UVSSA: variants seen among roughly 807,000 people sequenced by gnomAD.
The protein encoded by UVSSA is UV-stimulated scaffold protein A.
A neutral mutation model predicts 73.9 loss-of-function variants in UVSSA; 72 were observed. That is an observed-to-expected ratio of 0.97 (90% confidence interval 0.81 to 1.19). The LOEUF (loss-of-function observed/expected upper bound fraction) is 1.19, where lower values mean the gene tolerates loss of function less well. Among genes scored for constraint, UVSSA ranks in the 50% most tolerant of loss-of-function variants. UVSSA has a pLI of 0.00. For synonymous variants in UVSSA, 454 were observed against 391.3 expected (o/e 1.16, Z -1.89); for missense variants, 1,150 against 965.0 (o/e 1.19, Z -2.54).
At chr4:1,364,343 G>C in intron 7 of UVSSA, among the ~76,000 whole-genome samples, 1 of 149,424 alleles carries the variant, frequency 6.7e-6, no homozygotes. Context: ...TCCCCGCACG[G>C]TGCTGGTGCG....
chr4:1,353,954 G>T (rs1560431475), intron 5 of UVSSA, among the ~76,000 whole-genome samples: 1 of 152,208 alleles, frequency 6.6e-6, no homozygotes, highest in Non-Finnish European at 1.5e-5. Flanking sequence ...CCGCCCCCCA[G>T]CCCCAGCTTC....
Position 1,349,859 on chromosome 4 carries a change from G to A in UVSSA, c.429+5G>A. On this transcript the variant is annotated splice_donor_5th_base_variant and intron_variant, in intron 3 of 13. Coordinates refer to ENST00000389851, the MANE Select transcript of UVSSA (RefSeq NM_020894.4). ...TTCTTAAGACACAACAAAAAGGTAGGTGGGCCTGGCCCATTTTTTCAGAGA... is the reference window on the plus strand; with the variant it reads ...TTCTTAAGACACAACAAAAAGGTAGATGGGCCTGGCCCATTTTTTCAGAGA... 1 of 1,531,240 alleles carries A rather than the reference G, an allele frequency of 6.5e-7. No individual in the cohort carries two copies. The highest frequency in any genetic ancestry group is 8.8e-7 in the Non-Finnish European group (1 of 1,140,390). 94.9% of individuals were successfully genotyped at this position (1,531,240 alleles called of 1,614,324 possible).
chr4:1,348,220 A>G, intron 2 of UVSSA, 31 bp downstream of exon 2: 1 of 1,542,944 alleles, frequency 6.5e-7, no homozygotes, highest in Non-Finnish European at 8.9e-7. Flanking sequence ...ACAGTAACTG[A>G]CTGGCCCACT....
intron 5 of UVSSA, among the ~76,000 whole-genome samples, chr4:1,354,095 C>A (rs1393756175): frequency 6.6e-6 from 1 of 152,214 alleles, no homozygotes. Flanking sequence ...TGTCCCTTCA[C>A]CAGGGCCAGG....
intron 7 of UVSSA, among the ~76,000 whole-genome samples, chr4:1,355,552 CCTT>C (rs1408203317): frequency 2.6e-5 from 4 of 152,302 alleles, no homozygotes; most frequent in African/African-American, 9.6e-5. Context: ...CCCCGTGACT[CCTT>C]CTAGGGAGTC....
In UVSSA at chr4:1,375,456, G is replaced by T; in HGVS notation, c.1381G>T (p.Ala461Ser). ...GGAGGTGTCGGACCCCACCTCTGCG[G>T]CTGCTCAGCTGCGGCAGCTCCGGGA... ...DEEVSDPTSA[A>S]AQLRQLRDHL... Residue 461 changes from alanine to serine, a missense_variant, in exon 9 of 14, where the codon GCT (alanine) becomes TCT (serine). Physicochemically the swap from Ala to Ser is moderately conservative, Grantham distance 99. Coordinates refer to ENST00000389851, the MANE Select transcript of UVSSA (RefSeq NM_020894.4). The T allele has an allele frequency of 6.2e-7, 1 of 1,612,968 alleles. No individual in the cohort carries two copies. The highest frequency in any genetic ancestry group is 8.5e-7 in the Non-Finnish European group (1 of 1,179,996).
chr4:1,378,703 G>A (rs896197563), intron 10 of UVSSA, among the ~76,000 whole-genome samples: 3 of 152,244 alleles, frequency 2.0e-5, no homozygotes, highest in Admixed American at 6.5e-5. Flanking sequence ...TCTGGTCCGA[G>A]TTCCGGGTGG....
intron 5 of UVSSA, among the ~76,000 whole-genome samples, chr4:1,354,157 G>A (rs559456596): frequency 6.6e-6 from 1 of 152,366 alleles, no homozygotes; most frequent in South Asian, 2.1e-4. Flanking sequence ...GGTCTCAGCT[G>A]CCCAGAGGTG....
chr4:1,384,408 T>G (rs9684125), intron 13 of UVSSA: 124,125 of 164,980 alleles, frequency 0.75, 46,969 homozygotes, highest in Non-Finnish European at 0.79. Flanking sequence ...ATGTCTTCTC[T>G]GAGCACTGGC....
intron 7 of UVSSA, among the ~76,000 whole-genome samples, chr4:1,365,355 T>TGTGTG (rs1484034754): frequency 1.3e-5 from 2 of 152,374 alleles, no homozygotes; most frequent in East Asian, 3.9e-4. Context: ...ACAGCCGTGC[T>TGTGTG]GTGTGCAGGA....
chr4:1,355,089 C>G (rs1309190318), intron 6 of UVSSA, 28 bp from the exon 7 acceptor site: 2 of 1,611,892 alleles, frequency 1.2e-6, no homozygotes, highest in Non-Finnish European at 1.7e-6. Context: ...CGGCCGGCCC[C>G]TGAGCTGTTC....
Position 1,353,412 on chromosome 4 carries a change from A to G in UVSSA, c.933A>G (p.Ser311=). 1.3e-6 allele frequency: 2 copies of G among 1,531,446 alleles called. No individual in the cohort carries two copies. The highest frequency in any genetic ancestry group is 1.4e-5 in the African/African-American group (1 of 72,878). The allele number at this position is 1,531,446 out of a possible 1,614,324, so 94.9% of individuals were successfully genotyped here. A position where few individuals can be genotyped will look rare whatever the true frequency, so the allele number is the denominator to read the frequency against. Residue 311 remains serine (S), a splice_region_variant and synonymous_variant, in exon 5 of 14, where the codon TCA becomes TCG. Transcript: ENST00000389851. ...ACACGCTGGATGTGGAGCTCTGCTC[A>G]GGTAACTGCCTTCGCGGGGTCTCTG... ...HKYTLDVELC[S]EGLKVQENED...
At chr4:1,359,883 C>G (rs1327180720) in intron 7 of UVSSA, among the ~76,000 whole-genome samples, 1 of 152,178 alleles carries the variant, frequency 6.6e-6, no homozygotes, top group African/African-American at 2.4e-5. Flanking sequence ...CTGTCAGCCC[C>G]TGGGATCGAG....
intron 7 of UVSSA, among the ~76,000 whole-genome samples, chr4:1,360,951 C>T (rs995041589): frequency 6.6e-6 from 1 of 152,254 alleles, no homozygotes; most frequent in East Asian, 1.9e-4. Flanking sequence ...CTGCTCAGAA[C>T]GTCCTATGTG....
rs1720542179 is a variant in UVSSA at position 1,395,922 on chromosome 4, C to T, written c.*9961C>T. ...ATTGAATTCAGGACTGATTTGTTAG[C>T]CTGGTGCTTTTCGTATCAGACCTTT... On this transcript the variant is annotated 3_prime_UTR_variant, in exon 14 of 14. Coordinates refer to the UVSSA transcript ENST00000511216. The T allele has an allele frequency of 1.9e-6, 3 of 1,562,604 alleles. No individual in the cohort carries two copies. In the East Asian group the frequency reaches 6.7e-5, roughly 35 times the overall value.
At position 1,386,395 on chromosome 4, in the gene UVSSA, A is replaced by T. The variant is rs1720118478; in HGVS notation, c.*434A>T. 1 of 175,512 alleles carries T rather than the reference A, an allele frequency of 5.7e-6. No individual in the cohort carries two copies. The highest frequency in any genetic ancestry group is 1.2e-5 in the Non-Finnish European group (1 of 81,218). 10.9% of individuals were successfully genotyped at this position (175,512 alleles called of 1,614,324 possible). A position where few individuals can be genotyped will look rare whatever the true frequency, so the allele number is the denominator to read the frequency against. On this transcript the variant is annotated 3_prime_UTR_variant, in exon 14 of 14. Coordinates refer to ENST00000389851, the MANE Select transcript of UVSSA (RefSeq NM_020894.4). ...CAAATGCTGTTTTTAACACAAACAC[A>T]AAGGCTAGTGAACCGTTCAGTCATC...
chr4:1,352,955 C>G (rs1715018877), intron 4 of UVSSA, 75 bp from the exon 5 acceptor site: 7 of 1,535,732 alleles, frequency 4.6e-6, no homozygotes, highest in Non-Finnish European at 6.1e-6. Flanking sequence ...GAGTGGGCCT[C>G]TGAGTGTGGT....
At chr4:1,355,300 A>G in intron 7 of UVSSA, 55 bp downstream of exon 7, 1 of 1,405,238 alleles carries the variant, frequency 7.1e-7, no homozygotes, top group African/African-American at 1.4e-5. Context: ...GTGGGGGAGG[A>G]GAAGCTGTGG....
At chr4:1,383,977 C>G (rs573923437) in intron 13 of UVSSA, 37 bp downstream of exon 13, 25 of 1,576,838 alleles carry the variant, frequency 1.6e-5, no homozygotes, top group South Asian at 2.3e-5. Flanking sequence ...CACCGCGTGG[C>G]CCCCCCGTGT....
Sources: allele counts gnomAD v4.1 joint callset (sites outside exome capture counted in the v4.1 genomes callset), GRCh38; gene constraint gnomAD v4.1.1; transcripts MANE v1.5; gene names NCBI Gene and HGNC (gene_info 2026-07-23, HGNC 2026-07-21).